PRB4: variants seen among roughly 807,000 people sequenced by gnomAD.
PRB4 encodes the protein basic salivary proline-rich protein 4.
Under a neutral mutation model 9.1 loss-of-function variants are expected in PRB4, and 14 were observed. The observed-to-expected ratio is 1.54, with a 90% CI of 1.02 to 2.41. The LOEUF (loss-of-function observed/expected upper bound fraction) is 2.41. Among genes scored for constraint, PRB4 ranks in the 30% most tolerant of loss-of-function variants. PRB4 has a pLI of 0.00. For missense variants in PRB4, 381 were observed against 299.3 expected (o/e 1.27, Z -2.02); for synonymous variants, 102 against 108.5 (o/e 0.94, Z 0.37).
intron 2 of PRB4, 113 bp downstream of exon 2, chr12:11,309,256 AT>A: frequency 6.4e-7 from 1 of 1,560,142 alleles, no homozygotes; most frequent in African/African-American, 1.4e-5. Flanking sequence ...ATTAGGGGCA[AT>A]AACATTAATC....
At position 11,308,894 on chromosome 12, in the gene PRB4, G is replaced by A. The variant is rs760331695; in HGVS notation, c.101-12C>T. On this transcript the variant is annotated splice_polypyrimidine_tract_variant and intron_variant, in intron 2 of 3. Transcript: ENST00000279575. ...TCCTTCTGGCTTTCCTGGAGGAGGT[G>A]GGGGACATACGGCATTCACTGAATA... is the stretch of plus-strand genomic sequence containing the variant. 18 of 1,580,918 alleles carry A rather than the reference G, an allele frequency of 1.1e-5. No homozygotes were observed. The highest frequency in any genetic ancestry group is 1.3e-5 in the Non-Finnish European group (15 of 1,156,374).
At chr12:11,309,552 G>T in intron 1 of PRB4, 147 bp from the exon 2 acceptor site, 2 of 1,487,926 alleles carry the variant, frequency 1.3e-6, no homozygotes, top group Non-Finnish European at 1.9e-6. Context: ...GGTGCTGGAA[G>T]GGGTGGAAGG....
chr12:11,310,116 T>C (rs555840584), intron 1 of PRB4, among the ~76,000 whole-genome samples: 1 of 152,304 alleles, frequency 6.6e-6, no homozygotes, highest in East Asian at 1.9e-4. Flanking sequence ...AAATCTTACC[T>C]TCTCATTCCC....
rs768471769 is a variant in PRB4 at position 11,309,439 on chromosome 12, A to G, written c.65-34T>C. On this transcript the variant is annotated intron_variant, in intron 1 of 3. Transcript: ENST00000279575. ...GAAGCACAGGATGATGGGAAATGTT[A>G]CATCTCAAATCTTCAAGACTCACAA... The G allele has an allele frequency of 2.5e-6, 4 of 1,614,066 alleles. No individual in the cohort carries two copies. In the East Asian group the frequency reaches 8.9e-5, roughly 36 times the overall value.
intron 1 of PRB4, 88 bp from the exon 2 acceptor site, chr12:11,309,493 C>T: frequency 1.2e-6 from 2 of 1,609,808 alleles, no homozygotes; most frequent in Non-Finnish European, 1.7e-6. Flanking sequence ...TGTCTTCTCA[C>T]CACACCCCAT....
Position 11,308,226 on chromosome 12 carries a change from A to G in PRB4, c.*13T>C, listed in dbSNP as rs370152923. On this transcript the variant is annotated 3_prime_UTR_variant, in exon 3 of 4. Coordinates refer to ENST00000279575, the MANE Select transcript of PRB4 (RefSeq NM_002723.6). ...ATAATAAAGTGGAATCATACCTGTC[A>G]TTGAATCCTAGATTACTGGGGAGGC... The G allele has an allele frequency of 1.8e-4, 292 of 1,607,924 alleles. No homozygotes were observed. The highest frequency in any genetic ancestry group is 2.2e-4 in the Non-Finnish European group (263 of 1,177,620).
At chr12:11,309,721 T>C (rs1206662300) in intron 1 of PRB4, among the ~76,000 whole-genome samples, 4 of 152,192 alleles carry the variant, frequency 2.6e-5, no homozygotes, top group Admixed American at 6.5e-5. Flanking sequence ...TCTTATGCCC[T>C]CCATCTCCTG....
At position 11,307,096 on chromosome 12, in the gene PRB4, T is replaced by G. The variant is rs897808912; in HGVS notation, c.*122A>C. 3.9e-5 allele frequency: 6 copies of G among 154,602 alleles called. No individual in the cohort carries two copies. The highest frequency in any genetic ancestry group is 5.2e-4 in the Middle Eastern group (1 of 1,916). The allele number at this position is 154,602 out of a possible 1,614,324, so 9.6% of individuals were successfully genotyped here. ...CAATCAGAAATTGCAAGCTGATTAT[T>G]TTATTGGTATATTAAAGTTAGAGCT... On this transcript the variant is annotated 3_prime_UTR_variant, in exon 4 of 4. Coordinates refer to ENST00000279575, the MANE Select transcript of PRB4 (RefSeq NM_002723.6).
intron 2 of PRB4, 131 bp from the exon 3 acceptor site, chr12:11,309,013 T>C: frequency 7.3e-7 from 1 of 1,374,724 alleles, no homozygotes; most frequent in Non-Finnish European, 1.0e-6. Flanking sequence ...AGTGAAGCCC[T>C]AGAACTCTGG....
chr12:11,308,452 T>C lies in PRB4; in HGVS notation c.531A>G (p.Arg177=). Residue 177 remains arginine, a synonymous_variant, in exon 3 of 4, where the codon CGA becomes CGG. Coordinates refer to ENST00000279575, the MANE Select transcript of PRB4 (RefSeq NM_002723.6). ...GTCCTTGTGGCTTTCCTGGAGGAGA[T>C]CGGGCACTTCGGGACTTGTTTCCTT... The part of the protein sequence containing the change: ...PQEGNKSRSA[R]SPPGKPQGPP... The C allele has an allele frequency of 6.2e-7, 1 of 1,613,530 alleles. No individual in the cohort carries two copies. Among genetic ancestry groups the C allele is most frequent in the Non-Finnish European group, 8.5e-7 (1 of 1,179,884 alleles).
rs1326055803 is a variant in PRB4 at position 11,310,324 on chromosome 12, T to A, written c.64+11A>T. The A allele has an allele frequency of 3.7e-6, 6 of 1,614,054 alleles. No homozygotes were observed. Among genetic ancestry groups the A allele is most frequent in the Non-Finnish European group, 3.4e-6 (4 of 1,179,996 alleles). On this transcript the variant is annotated intron_variant, in intron 1 of 3. Coordinates refer to ENST00000279575, the MANE Select transcript of PRB4 (RefSeq NM_002723.6). The stretch of plus-strand genomic sequence containing the variant: ...AAGCAGTCACCGCATCTTTTCCCCC[T>A]TCTGTTTTACCTTCACTTGAACTCT...
chr12:11,308,924 C>T (rs750686399), intron 2 of PRB4, 42 bp from the exon 3 acceptor site: 2 of 1,611,668 alleles, frequency 1.2e-6, no homozygotes, highest in East Asian at 2.2e-5. Context: ...TGAATAGTTG[C>T]CACAAATTTT....
chr12:11,309,112 C>A (rs574671086), intron 2 of PRB4, among the ~76,000 whole-genome samples: 1 of 152,248 alleles, frequency 6.6e-6, no homozygotes, highest in African/African-American at 2.4e-5. Flanking sequence ...TGTCTGTCAT[C>A]TCCCAGGAGG....
Position 11,310,424 on chromosome 12 carries a change from C to T in PRB4, c.-26G>A, listed in dbSNP as rs1167993536. The T allele has an allele frequency of 6.2e-7, 1 of 1,614,148 alleles. No individual in the cohort carries two copies. Among genetic ancestry groups the T allele is most frequent in the South Asian group, 1.1e-5 (1 of 91,084 alleles). ...CTCGCTGGAGGCTCTGGAGTCACTC[C>T]CAACTCTGTGCTGGGAGGAACGTGG... On this transcript the variant is annotated 5_prime_UTR_variant, in exon 1 of 4. Coordinates refer to ENST00000279575, the MANE Select transcript of PRB4 (RefSeq NM_002723.6).
At chr12:11,309,467 G>A in intron 1 of PRB4, 62 bp from the exon 2 acceptor site, 2 of 1,613,556 alleles carry the variant, frequency 1.2e-6, no homozygotes, top group Non-Finnish European at 1.7e-6. Flanking sequence ...ACTCACAAGT[G>A]TTCTACAGGG....
chr12:11,309,535 C>G, intron 1 of PRB4, 130 bp from the exon 2 acceptor site: 1 of 1,555,398 alleles, frequency 6.4e-7, no homozygotes, highest in East Asian at 2.3e-5. Context: ...CAGCCACCAT[C>G]TGTGAAGGTG....
chr12:11,309,111 TCTCCCAGGAGGCA>T (rs1266716130), intron 2 of PRB4, among the ~76,000 whole-genome samples: 1 of 152,080 alleles, frequency 6.6e-6, no homozygotes, highest in Admixed American at 6.5e-5. Flanking sequence ...TTGTCTGTCA[TCTCCCAGGAGGCA>T]CTCCTGGCCA....
In PRB4 at chr12:11,308,318, C is replaced by T. The variant is rs765978366; in HGVS notation, c.665G>A (p.Gly222Glu). ...AGGTGGAGGTGGCCCCTGGGGCTTT[C>T]CAGCAGGAGGTGCCTGAGGCTGCTG... ...NPQQPQAPPA[G>E]KPQGPPPPPQ... Residue 222 changes from glycine to glutamate, a missense_variant, in exon 3 of 4, where the codon GGA (glycine) becomes GAA (glutamate). Gly to Glu is a moderately conservative substitution (Grantham distance 98). Transcript: ENST00000279575. 6.2e-7 allele frequency: 1 copy of T among 1,610,356 alleles called. No individual in the cohort carries two copies. Among genetic ancestry groups the T allele is most frequent in the East Asian group, 2.2e-5 (1 of 44,862 alleles).
intron 1 of PRB4, 68 bp downstream of exon 1, chr12:11,310,267 C>T (rs775589061): frequency 3.3e-5 from 53 of 1,589,020 alleles, no homozygotes; most frequent in Non-Finnish European, 4.6e-5. Context: ...TCCTCTCTTC[C>T]CCATAATTAC....
Sources: gnomAD v4.1 joint callset for allele counts (sites outside exome capture counted in the v4.1 genomes callset) on GRCh38, gnomAD v4.1.1 for gene constraint, MANE v1.5 for transcripts, NCBI Gene and HGNC (gene_info 2026-07-23, HGNC 2026-07-21) for gene names.